SGCD: variants seen among roughly 807,000 people sequenced by gnomAD.
The protein encoded by SGCD is sarcoglycan delta.
Under a neutral mutation model 36.6 loss-of-function variants are expected in SGCD, and 18 were observed. The observed-to-expected ratio is 0.49, with a 90% CI of 0.34 to 0.73. SGCD has a LOEUF of 0.73. Among genes scored for constraint, SGCD ranks in the 30% least tolerant of loss-of-function variants. The pLI is 0.01. For missense variants in SGCD, 387 were observed against 346.7 expected (o/e 1.12, Z -0.92); for synonymous variants, 133 against 130.6 (o/e 1.02, Z -0.12).
At chr5:156,161,499 T>C (rs1763086359) in intron 3 of SGCD, among the ~76,000 whole-genome samples, 1 of 151,898 alleles carries the variant, frequency 6.6e-6, no homozygotes, top group African/African-American at 2.4e-5. Context: ...TCGTCTGTTG[T>C]CTGTTTTATG....
intron 6 of SGCD, among the ~76,000 whole-genome samples, chr5:156,621,470 C>T (rs1293824722): frequency 3.3e-5 from 5 of 152,002 alleles, no homozygotes; most frequent in East Asian, 1.9e-4. Context: ...GGATTACAGG[C>T]GTGAGCTACC....
intron 1 of SGCD, among the ~76,000 whole-genome samples, chr5:156,069,207 G>A (rs1316306805): frequency 2.0e-5 from 3 of 152,060 alleles, no homozygotes; most frequent in African/African-American, 7.3e-5. Context: ...CCATGCCTAT[G>A]TCCTGAATGG....
the SGCD span, among the ~76,000 whole-genome samples, chr5:155,860,603 C>A: frequency 6.6e-6 from 1 of 152,072 alleles, no homozygotes; most frequent in African/African-American, 2.4e-5. Flanking sequence ...TTCAGGTGTG[C>A]CTCTGGAAAA....
chr5:155,823,397 C>T, the SGCD span, among the ~76,000 whole-genome samples: 6 of 151,906 alleles, frequency 3.9e-5, no homozygotes, highest in East Asian at 7.8e-4. Flanking sequence ...GGATAATGGC[C>T]GCCCACATTT....
At chr5:156,369,146 A>G (rs190284932) in intron 3 of SGCD, among the ~76,000 whole-genome samples, 2 of 152,358 alleles carry the variant, frequency 1.3e-5, no homozygotes, top group Admixed American at 1.3e-4. Flanking sequence ...ATAACACATT[A>G]TTAATCTCTT....
upstream of SGCD, among the ~76,000 whole-genome samples, chr5:155,866,993 G>T (rs758232610): frequency 1.3e-5 from 2 of 152,162 alleles, no homozygotes; most frequent in African/African-American, 2.4e-5. Context: ...GATTTATGGG[G>T]CAAATAAATA....
At chr5:156,095,871 A>T (rs565727879) in intron 1 of SGCD, among the ~76,000 whole-genome samples, 1 of 152,296 alleles carries the variant, frequency 6.6e-6, no homozygotes, top group East Asian at 1.9e-4. Context: ...ATAGTGTACA[A>T]GCCCAAACGA....
chr5:156,084,953 T>A (rs1761058101), intron 1 of SGCD, among the ~76,000 whole-genome samples: 1 of 152,214 alleles, frequency 6.6e-6, no homozygotes. Flanking sequence ...TATCAAATGA[T>A]TTTTCTTCAT....
chr5:155,827,981 A>G, the SGCD span, among the ~76,000 whole-genome samples: 2 of 151,664 alleles, frequency 1.3e-5, no homozygotes, highest in African/African-American at 2.4e-5. Flanking sequence ...GTGAGCCACT[A>G]TGCCCAGCCT....
At chr5:156,594,808 A>T (rs1760858125) in intron 5 of SGCD, 124 bp from the exon 6 acceptor site, 1 of 644,128 alleles carries the variant, frequency 1.6e-6, no homozygotes, top group East Asian at 2.8e-5. Flanking sequence ...AGTCTCATAC[A>T]ATCTTGTTAG....
chr5:156,382,719 T>G (rs1263818531), intron 3 of SGCD, among the ~76,000 whole-genome samples: 1 of 152,174 alleles, frequency 6.6e-6, no homozygotes. Context: ...CTTTCTAAAC[T>G]CTTCACCAAA....
At chr5:156,574,020 G>C (rs1156420557) in intron 4 of SGCD, among the ~76,000 whole-genome samples, 1 of 152,056 alleles carries the variant, frequency 6.6e-6, no homozygotes, top group Non-Finnish European at 1.5e-5. Flanking sequence ...ACTAAATACT[G>C]TTAGCACATA....
intron 3 of SGCD, among the ~76,000 whole-genome samples, chr5:156,358,088 T>A (rs1049907136): frequency 1.3e-5 from 2 of 152,210 alleles, no homozygotes; most frequent in African/African-American, 4.8e-5. Flanking sequence ...ATCTGCCATG[T>A]TAAGTAACCA....
intron 1 of SGCD, among the ~76,000 whole-genome samples, chr5:156,077,651 CCTT>C (rs1760824074): frequency 6.6e-6 from 1 of 152,060 alleles, no homozygotes; most frequent in Non-Finnish European, 1.5e-5. Flanking sequence ...TCGAGAATCT[CCTT>C]CTTCTCCTCT....
chr5:156,196,453 T>C (rs923016175), intron 3 of SGCD, among the ~76,000 whole-genome samples: 1 of 152,188 alleles, frequency 6.6e-6, no homozygotes, highest in Non-Finnish European at 1.5e-5. Context: ...ACCTAGTCAG[T>C]ATCACAATCT....
intron 7 of SGCD, among the ~76,000 whole-genome samples, chr5:156,686,042 A>C (rs1382447407): frequency 1.3e-5 from 2 of 152,212 alleles, no homozygotes; most frequent in Non-Finnish European, 2.9e-5. Context: ...AGTTTTTAAA[A>C]AACACTTTTG....
chr5:156,381,987 A>T lies in SGCD; in HGVS notation c.192+37310A>T, dbSNP rs565648352. On this transcript the variant is annotated intron_variant, in intron 3 of 8. Transcript: ENST00000337851. The stretch of plus-strand genomic sequence containing the variant: ...TAAGTGGTCAATGTATGTTTTTATT[A>T]TTATCATAAACATAATTTTTACATT... 3.3e-5 allele frequency among the ~76,000 whole-genome samples: 5 copies of T among 152,348 alleles called. No homozygotes were observed. The East Asian group carries it at 9.6e-4, about 29-fold the overall frequency.
intron 3 of SGCD, among the ~76,000 whole-genome samples, chr5:156,506,883 C>G (rs1213824455): frequency 6.6e-6 from 1 of 152,164 alleles, no homozygotes; most frequent in Non-Finnish European, 1.5e-5. Context: ...GATGAACTTT[C>G]TCTGGCTAGT....
intron 3 of SGCD, among the ~76,000 whole-genome samples, chr5:156,470,850 A>T (rs960987338): frequency 3.3e-5 from 5 of 152,192 alleles, no homozygotes; most frequent in Admixed American, 3.3e-4. Flanking sequence ...TTAAATAAAT[A>T]TTTGGAAACG....
Sources: allele counts gnomAD v4.1 joint callset (sites outside exome capture counted in the v4.1 genomes callset), GRCh38; gene constraint gnomAD v4.1.1; transcripts MANE v1.5; gene names NCBI Gene and HGNC (gene_info 2026-07-23, HGNC 2026-07-21).